Variants in PTGR2 observed in about 807,000 individuals in gnomAD.
PTGR2 encodes prostaglandin reductase 2.
A neutral mutation model predicts 43.4 loss-of-function variants in PTGR2; 32 were observed. The ratio of observed to expected loss-of-function variants is 0.74; its 90% confidence interval spans 0.56 to 0.99. The LOEUF is 0.99. PTGR2 is among the 50% of genes least tolerant of loss of function. The pLI is 0.00. For synonymous variants in PTGR2, 106 were observed against 139.2 expected, an observed-to-expected ratio of 0.76 and a Z score of 1.68; for missense variants, 373 against 420.0, an observed-to-expected ratio of 0.89 and a Z score of 0.98.
chr14:73,881,926 G>C (rs2055000652), intron 8 of PTGR2, among the ~76,000 whole-genome samples: 1 of 151,948 alleles, frequency 6.6e-6, no homozygotes, highest in Admixed American at 6.6e-5. Context: ...TGGGATTACA[G>C]GCACATGCCA....
At chr14:73,882,980 C>A (rs1213831858) in intron 9 of PTGR2, among the ~76,000 whole-genome samples, 2 of 150,294 alleles carry the variant, frequency 1.3e-5, no homozygotes, top group African/African-American at 2.4e-5. Flanking sequence ...ACTGGTATGC[C>A]TGGCTAATTT....
Position 73,876,558 on chromosome 14 carries a change from T to G in PTGR2, c.349-440T>G, listed in dbSNP as rs184810046. Among the ~76,000 whole-genome samples, 58 of 146,902 alleles carry G rather than the reference T, an allele frequency of 3.9e-4. 1 individual carries two copies. The East Asian group carries it at 0.012, about 29-fold the overall frequency. ...GTGCAGTGGCATGATCTCAGCTCACTGCAACCTCCTGGGTTCAAGCGATTC... is the reference window on the plus strand; with the variant it reads ...GTGCAGTGGCATGATCTCAGCTCACGGCAACCTCCTGGGTTCAAGCGATTC... On this transcript the variant is annotated intron_variant, in intron 4 of 9. Transcript: ENST00000555661.
chr14:73,853,005 A>C (rs1052081437), intron 1 of PTGR2, among the ~76,000 whole-genome samples: 2 of 151,844 alleles, frequency 1.3e-5, no homozygotes, highest in Non-Finnish European at 2.9e-5. Flanking sequence ...TATTTTTAGT[A>C]GAGCGGGGTT....
At chr14:73,867,708 C>A (rs920560732) in intron 3 of PTGR2, among the ~76,000 whole-genome samples, 2 of 152,140 alleles carry the variant, frequency 1.3e-5, no homozygotes, top group Non-Finnish European at 2.9e-5. Context: ...TTGCCTCTAC[C>A]AGGTCCTGTG....
rs1364184106 is a variant in PTGR2, at chr14:73,885,212, C to G, written c.*1035C>G. Reference sequence around the variant, plus strand: ...GCTGAGGCTGGAGAATCATTTGAACCTGGGAGGGGGAGGTTGCCGTGAGCT... The same window carrying G: ...GCTGAGGCTGGAGAATCATTTGAACGTGGGAGGGGGAGGTTGCCGTGAGCT... On this transcript the variant is annotated 3_prime_UTR_variant, in exon 10 of 10. Transcript: ENST00000555661. 1 of 152,240 alleles carries G rather than the reference C, an allele frequency of 6.6e-6. No individual in the cohort carries two copies. Among genetic ancestry groups the G allele is most frequent in the East Asian group, 1.9e-4 (1 of 5,200 alleles). The allele number at this position is 152,240 out of a possible 1,614,324, so 9.4% of individuals were successfully genotyped here.
intron 3 of PTGR2, among the ~76,000 whole-genome samples, chr14:73,863,068 A>G (rs952928150): frequency 2.0e-5 from 3 of 152,200 alleles, no homozygotes; most frequent in African/African-American, 7.2e-5. Context: ...TTACTCACTT[A>G]AAGAGTACAA....
rs115019095 is a variant in PTGR2 at position 73,867,545 on chromosome 14, A to G, written c.157-6478A>G. ...GGGGAGGAAAAATGATGGAACAACT[A>G]GGATTATAATATAAATTGAATTAAT... On this transcript the variant is annotated intron_variant, in intron 3 of 9. Transcript: ENST00000555661. 3.1e-3 allele frequency among the ~76,000 whole-genome samples: 479 copies of G among 152,326 alleles called. 4 individuals carry two copies. The highest frequency in any genetic ancestry group is 0.011 in the African/African-American group (471 of 41,570).
intron 3 of PTGR2, among the ~76,000 whole-genome samples, chr14:73,870,469 C>G (rs2054702711): frequency 6.6e-6 from 1 of 152,026 alleles, no homozygotes; most frequent in Non-Finnish European, 1.5e-5. Flanking sequence ...CATGAGCCAC[C>G]ACACCAGACC....
chr14:73,881,146 T>C, intron 7 of PTGR2, 59 bp from the exon 8 acceptor site: 1 of 1,020,484 alleles, frequency 9.8e-7, no homozygotes, highest in East Asian at 2.4e-5. Context: ...AATGGTTTGA[T>C]CTTGGAATAC....
At chr14:73,860,279 A>G (rs1389484757) in intron 2 of PTGR2, among the ~76,000 whole-genome samples, 7 of 151,988 alleles carry the variant, frequency 4.6e-5, no homozygotes, top group African/African-American at 1.7e-4. Flanking sequence ...CAGCCTGGCC[A>G]GCATGGTAAA....
rs1162013804 is a variant in PTGR2 at position 73,884,635 on chromosome 14, T to C, written c.*458T>C. The C allele has an allele frequency of 6.5e-6, 1 of 154,206 alleles. No individual in the cohort carries two copies. Among genetic ancestry groups the C allele is most frequent in the African/African-American group, 2.4e-5 (1 of 41,408 alleles). 9.6% of individuals were successfully genotyped at this position (154,206 alleles called of 1,614,324 possible). A position where few individuals can be genotyped will look rare whatever the true frequency, so the allele number is the denominator to read the frequency against. On this transcript the variant is annotated 3_prime_UTR_variant, in exon 10 of 10. Coordinates refer to ENST00000555661, the MANE Select transcript of PTGR2 (RefSeq NM_001146154.2). ...CTTAAACTGAAACTTGGTGTAAAAA[T>C]AGAATTGAGATGGCCTTTTTTTCAC...
At chr14:73,852,199 C>T (rs1281554473) in intron 1 of PTGR2, 6 of 152,132 alleles carry the variant, frequency 3.9e-5, no homozygotes, top group Non-Finnish European at 8.8e-5. Flanking sequence ...GCCTCTGAAA[C>T]TTTCATTTAA....
chr14:73,869,796 C>T (rs937801974), intron 3 of PTGR2, among the ~76,000 whole-genome samples: 4 of 151,834 alleles, frequency 2.6e-5, no homozygotes, highest in Admixed American at 6.6e-5. Context: ...GAGGCTGAGG[C>T]GGGCGGATCA....
At chr14:73,862,458 CG>C (rs1385963780) in intron 3 of PTGR2, among the ~76,000 whole-genome samples, 1 of 152,140 alleles carries the variant, frequency 6.6e-6, no homozygotes, top group African/African-American at 2.4e-5. Context: ...CCACCCGCCT[CG>C]GCCTCCCAAA....
At chr14:73,881,176 G>T in intron 7 of PTGR2, 29 bp from the exon 8 acceptor site, 1 of 1,341,896 alleles carries the variant, frequency 7.5e-7, no homozygotes, top group Non-Finnish European at 1.1e-6. Flanking sequence ...TATATTCTCT[G>T]ATCATTATCC....
chr14:73,857,286 C>T (rs2054371006), intron 1 of PTGR2, among the ~76,000 whole-genome samples: 1 of 147,352 alleles, frequency 6.8e-6, no homozygotes, highest in African/African-American at 2.5e-5. Flanking sequence ...AAGGAATTTC[C>T]ATTTTGATGA....
chr14:73,855,070 A>G lies in PTGR2; in HGVS notation c.-48+3127A>G, dbSNP rs148717156. 2.0e-5 allele frequency among the ~76,000 whole-genome samples: 3 copies of G among 152,352 alleles called. No homozygotes were observed. In the East Asian group the frequency reaches 5.8e-4, roughly 29 times the overall value. The stretch of plus-strand genomic sequence containing the variant: ...AGAAACAAATCAAGGGCATGAAATA[A>G]ATGGAAGGGAGACTCAAACTGTAGT... On this transcript the variant is annotated intron_variant, in intron 1 of 9. Coordinates refer to ENST00000555661, the MANE Select transcript of PTGR2 (RefSeq NM_001146154.2).
Position 73,860,747 on chromosome 14 carries a change from T to C in PTGR2, c.156+90T>C, listed in dbSNP as rs111549414. On this transcript the variant is annotated intron_variant, in intron 3 of 9. Transcript: ENST00000555661. ...CTGAATCTTATTGTGCAGTCCCTTA[T>C]AGATTGGTAAATATTTGAGCAGTTA... 7.8e-5 allele frequency: 55 copies of C among 705,572 alleles called. 1 individual carries two copies. In the African/African-American group the frequency reaches 8.5e-4, roughly 11 times the overall value. The allele number at this position is 705,572 out of a possible 1,614,324, so 43.7% of individuals were successfully genotyped here. A position where few individuals can be genotyped will look rare whatever the true frequency, so the allele number is the denominator to read the frequency against.
chr14:73,880,063 G>C lies in PTGR2; in HGVS notation c.738G>C (p.Glu246Asp). Reference protein sequence around the residue: ...ISDTVISQMNENSHIILCGQI... With the variant: ...ISDTVISQMNDNSHIILCGQI... ...TATTTTTCTCTGTGCAGATGAATGAGAACAGCCACATCATCCTGTGTGGTC... is the reference window on the plus strand; with the variant it reads ...TATTTTTCTCTGTGCAGATGAATGACAACAGCCACATCATCCTGTGTGGTC... The change falls in exon 7 of 10, where the codon GAG (glutamate) becomes GAC (aspartate). Residue 246 changes from glutamate (E) to aspartate (D), a missense_variant. Physicochemically the swap from Glu to Asp is conservative, Grantham distance 45 (BLOSUM62 2). Coordinates refer to ENST00000555661, the MANE Select transcript of PTGR2 (RefSeq NM_001146154.2). 1 of 1,613,658 alleles carries C rather than the reference G, an allele frequency of 6.2e-7. No individual in the cohort carries two copies. The highest frequency in any genetic ancestry group is 8.5e-7 in the Non-Finnish European group (1 of 1,179,700).
Sources: allele counts gnomAD v4.1 joint callset (sites outside exome capture counted in the v4.1 genomes callset), GRCh38; gene constraint gnomAD v4.1.1; transcripts MANE v1.5; gene names NCBI Gene and HGNC (gene_info 2026-07-23, HGNC 2026-07-21).